Variants in MUC7 observed in about 807,000 individuals in gnomAD.
MUC7 encodes the protein mucin-7.
Under a neutral mutation model 2.5 loss-of-function variants are expected in MUC7, and 2 were observed. That is an observed-to-expected ratio of 0.81 (90% CI 0.33 to 2.55). The LOEUF is 2.55. MUC7 is among the 30% of genes most tolerant of loss of function. MUC7 has a pLI of 0.11. For synonymous variants in MUC7, 133 were observed against 173.4 expected, an observed-to-expected ratio of 0.77 and a Z score of 1.83; for missense variants, 408 against 455.6, an observed-to-expected ratio of 0.90 and a Z score of 0.95.
intron 1 of MUC7, among the ~76,000 whole-genome samples, chr4:70,451,318 G>T (rs917065627): frequency 6.6e-6 from 1 of 152,354 alleles, no homozygotes; most frequent in Admixed American, 6.5e-5. Context: ...GACTGCCAGG[G>T]CTAGGGCAGG....
intron 1 of MUC7, among the ~76,000 whole-genome samples, chr4:70,464,276 G>T (rs181163170): frequency 2.0e-5 from 3 of 152,290 alleles, no homozygotes; most frequent in African/African-American, 4.8e-5. Context: ...TCCCTCAGAT[G>T]CCTATACCAC....
chr4:70,451,877 T>C (rs1318482141), intron 1 of MUC7, among the ~76,000 whole-genome samples: 2 of 152,224 alleles, frequency 1.3e-5, no homozygotes, highest in Non-Finnish European at 2.9e-5. Flanking sequence ...TCTCCAGCTA[T>C]TATTGTATTG....
rs1321174094 is a variant in MUC7 at position 70,481,482 on chromosome 4, A to G, written c.738A>G (p.Pro246=). The change falls in exon 3 of 3, where the codon CCA becomes CCG. Residue 246 remains proline (P), a synonymous_variant. Transcript: ENST00000304887. ...CACCCACACCTTCTGCAACTACACCAGCTCCACTATCTTCCTCAGCTCCAC... is the reference window on the plus strand; with the variant it reads ...CACCCACACCTTCTGCAACTACACCGGCTCCACTATCTTCCTCAGCTCCAC... ...AAPPTPSATT[P]APLSSSAPPE... is the part of the protein sequence containing the mutation. The G allele has an allele frequency of 2.7e-6, 4 of 1,505,726 alleles. No homozygotes were observed. The highest frequency in any genetic ancestry group is 3.6e-6 in the Non-Finnish European group (4 of 1,123,326). 93.3% of individuals were successfully genotyped at this position (1,505,726 alleles called of 1,614,324 possible). A position where few individuals can be genotyped will look rare whatever the true frequency, so the allele number is the denominator to read the frequency against.
intron 1 of MUC7, among the ~76,000 whole-genome samples, chr4:70,433,609 C>T (rs1733741116): frequency 6.6e-6 from 1 of 152,170 alleles, no homozygotes; most frequent in Non-Finnish European, 1.5e-5. Context: ...TGCTTATCAG[C>T]TTAAGGAGAT....
At chr4:70,443,661 A>G (rs1456406266) in intron 1 of MUC7, among the ~76,000 whole-genome samples, 4 of 152,204 alleles carry the variant, frequency 2.6e-5, no homozygotes, top group Non-Finnish European at 5.9e-5. Context: ...TGTCTTCCAC[A>G]GCAAACTAAC....
chr4:70,453,417 A>T (rs1438966880), intron 1 of MUC7, among the ~76,000 whole-genome samples: 1 of 152,162 alleles, frequency 6.6e-6, no homozygotes, highest in East Asian at 1.9e-4. Flanking sequence ...CTGCCACCAC[A>T]GGCTCATGAA....
chr4:70,447,736 A>G (rs1734180990), intron 1 of MUC7, among the ~76,000 whole-genome samples: 2 of 152,208 alleles, frequency 1.3e-5, no homozygotes, highest in Admixed American at 6.6e-5. Flanking sequence ...TAATCACATC[A>G]TGGAGAATGG....
At chr4:70,445,594 G>A (rs1227596390) in intron 1 of MUC7, among the ~76,000 whole-genome samples, 3 of 152,048 alleles carry the variant, frequency 2.0e-5, no homozygotes, top group Non-Finnish European at 4.4e-5. Context: ...TCCAGACTAG[G>A]CCAAAACCAC....
At chr4:70,450,092 G>T (rs1358875414) in intron 1 of MUC7, among the ~76,000 whole-genome samples, 1 of 152,204 alleles carries the variant, frequency 6.6e-6, no homozygotes, top group African/African-American at 2.4e-5. Flanking sequence ...GGGAGTCATG[G>T]TCTAGAGTAG....
intron 1 of MUC7, among the ~76,000 whole-genome samples, chr4:70,442,064 A>G (rs1465656871): frequency 1.3e-5 from 2 of 152,228 alleles, no homozygotes; most frequent in Admixed American, 1.3e-4. Context: ...AGATACAAAG[A>G]TATTTAGAAA....
chr4:70,451,483 T>C (rs1259694083), intron 1 of MUC7, among the ~76,000 whole-genome samples: 2 of 152,200 alleles, frequency 1.3e-5, no homozygotes, highest in Non-Finnish European at 2.9e-5. Flanking sequence ...AGTGTCCTTG[T>C]TGGGGGGTTA....
intron 2 of MUC7, among the ~76,000 whole-genome samples, chr4:70,475,602 T>G (rs41458049): frequency 0.024 from 3,580 of 152,202 alleles, 144 homozygotes; most frequent in African/African-American, 0.081. Flanking sequence ...TTTAAGAAAT[T>G]TAGGGTGTAC....
At chr4:70,463,761 A>G (rs1734614069) in intron 1 of MUC7, among the ~76,000 whole-genome samples, 1 of 152,188 alleles carries the variant, frequency 6.6e-6, no homozygotes, top group Non-Finnish European at 1.5e-5. Context: ...AGAACATTAA[A>G]ATAGCCCTCC....
At chr4:70,472,642 C>T (rs538696308) in intron 1 of MUC7, among the ~76,000 whole-genome samples, 48 of 152,144 alleles carry the variant, frequency 3.2e-4, no homozygotes, top group Non-Finnish European at 4.9e-4. Flanking sequence ...ATTCTCAGTA[C>T]GATTTGTAAT....
intron 1 of MUC7, among the ~76,000 whole-genome samples, chr4:70,462,973 G>T (rs1183359505): frequency 7.1e-6 from 1 of 141,478 alleles, no homozygotes; most frequent in Non-Finnish European, 1.5e-5. Flanking sequence ...CTCTAAAAAT[G>T]AATGAATGAA....
chr4:70,445,415 G>A (rs1177571112), intron 1 of MUC7, among the ~76,000 whole-genome samples: 1 of 152,202 alleles, frequency 6.6e-6, no homozygotes, highest in Non-Finnish European at 1.5e-5. Flanking sequence ...AGAAGATTAT[G>A]AGTCTGCCAT....
intron 2 of MUC7, among the ~76,000 whole-genome samples, chr4:70,474,283 G>A (rs1351110978): frequency 6.6e-6 from 1 of 152,038 alleles, no homozygotes; most frequent in Non-Finnish European, 1.5e-5. Context: ...CTAGGAGGGA[G>A]GATCACTTGA....
intron 1 of MUC7, among the ~76,000 whole-genome samples, chr4:70,465,386 G>A (rs1376971622): frequency 6.6e-6 from 1 of 152,126 alleles, no homozygotes; most frequent in African/African-American, 2.4e-5. Flanking sequence ...GAACAAAAGT[G>A]GACAGAGAAT....
chr4:70,456,666 C>CTAGTTAG (rs1734423136), intron 1 of MUC7, among the ~76,000 whole-genome samples: 1 of 152,168 alleles, frequency 6.6e-6, no homozygotes, highest in African/African-American at 2.4e-5. Context: ...CAAACACCTT[C>CTAGTTAG]CACAAGCTAC....
Sources: gnomAD v4.1 joint callset for allele counts (sites outside exome capture counted in the v4.1 genomes callset) on GRCh38, gnomAD v4.1.1 for gene constraint, MANE v1.5 for transcripts, NCBI Gene and HGNC (gene_info 2026-07-23, HGNC 2026-07-21) for gene names.